Variants in GNB1 observed in about 807,000 individuals in gnomAD.
GNB1 encodes the protein guanine nucleotide-binding protein G(I)/G(S)/G(T) subunit beta-1.
Under a neutral mutation model 42.9 loss-of-function variants are expected in GNB1, and 2 were observed. The observed-to-expected ratio is 0.05, with a 90% CI of 0.02 to 0.15. The LOEUF is 0.15. Among genes scored for constraint, GNB1 ranks in the 10% least tolerant of loss-of-function variants. The probability of loss-of-function intolerance (pLI) is 1.00; values close to 1 mark genes in which losing one functional copy is unlikely to be tolerated. For missense variants in GNB1, 193 were observed against 462.2 expected, an observed-to-expected ratio of 0.42 and a Z score of 5.34; for synonymous variants, 183 against 174.7, an observed-to-expected ratio of 1.05 and a Z score of -0.38.
At chr1:1,859,120 C>G (rs1268526808) in intron 1 of GNB1, among the ~76,000 whole-genome samples, 1 of 151,362 alleles carries the variant, frequency 6.6e-6, no homozygotes, top group Admixed American at 6.6e-5. Context: ...CTCTCAGGTT[C>G]AATCAATTCT....
At chr1:1,877,298 CAAAA>C (rs67155402) in intron 1 of GNB1, among the ~76,000 whole-genome samples, 1 of 124,748 alleles carries the variant, frequency 8.0e-6, no homozygotes, top group East Asian at 2.3e-4. Context: ...GACTCTGTCT[CAAAA>C]AAAAAAAAAA....
chr1:1,865,978 G>A (rs1049402219), intron 1 of GNB1, among the ~76,000 whole-genome samples: 2 of 146,902 alleles, frequency 1.4e-5, no homozygotes, highest in African/African-American at 5.0e-5. Flanking sequence ...CACTCTTGTT[G>A]CCCAGGCTGG....
At chr1:1,796,004 T>C (rs1313720572) in intron 7 of GNB1, among the ~76,000 whole-genome samples, 1 of 152,222 alleles carries the variant, frequency 6.6e-6, no homozygotes, top group African/African-American at 2.4e-5. Context: ...ATTTTGTGAC[T>C]TTATGATGGT....
At chr1:1,861,457 A>AAATAAT (rs746339517) in intron 1 of GNB1, among the ~76,000 whole-genome samples, 4 of 151,426 alleles carry the variant, frequency 2.6e-5, no homozygotes, top group East Asian at 1.9e-4. Flanking sequence ...ACTGTCTCAA[A>AAATAAT]AATAATAATA....
chr1:1,821,213 C>A (rs1028219462), intron 3 of GNB1, among the ~76,000 whole-genome samples: 14 of 152,228 alleles, frequency 9.2e-5, no homozygotes, highest in African/African-American at 2.4e-5. Context: ...GCAGCTGCCT[C>A]TCGCACGAAT....
intron 1 of GNB1, among the ~76,000 whole-genome samples, chr1:1,860,837 C>T (rs1283705353): frequency 1.3e-5 from 2 of 151,952 alleles, no homozygotes; most frequent in African/African-American, 2.4e-5. Context: ...ACACACTACA[C>T]GCTCATCAAA....
intron 5 of GNB1, among the ~76,000 whole-genome samples, chr1:1,806,761 G>GTCT (rs774315988): frequency 8.7e-4 from 132 of 152,180 alleles, no homozygotes; most frequent in Non-Finnish European, 1.7e-3. Context: ...ATCACATGAG[G>GTCT]TCAGGAGTTC....
chr1:1,871,076 T>C (rs1383899558), intron 1 of GNB1, among the ~76,000 whole-genome samples: 1 of 152,180 alleles, frequency 6.6e-6, no homozygotes, highest in East Asian at 1.9e-4. Context: ...ATCTCCTATG[T>C]TTCAATTGAC....
chr1:1,815,788 C>G lies in GNB1; in HGVS notation c.171G>C (p.Lys57Asn), dbSNP rs759845633. The change falls in exon 5 of 12, where the codon AAG (lysine) becomes AAC (asparagine). Residue 57 changes from lysine (K) to asparagine (N), a missense_variant. Lys to Asn is a moderately conservative substitution (Grantham distance 94, BLOSUM62 0). Coordinates refer to ENST00000378609, the MANE Select transcript of GNB1 (RefSeq NM_002074.5). ...TRRTLRGHLA[K>N]IYAMHWGTDS... ...CTGTGCCCCAGTGCATGGCGTAGAT[C>G]TTGGCCAGGTGCCCCCGCAGTGTCC... The G allele has an allele frequency of 3.1e-6, 5 of 1,608,164 alleles. No homozygotes were observed. The highest frequency in any genetic ancestry group is 4.3e-6 in the Non-Finnish European group (5 of 1,174,510).
In GNB1 at chr1:1,785,803, C is replaced by CTT. The variant is rs1163428232; in HGVS notation, c.*1258_*1259dup. On this transcript the variant is annotated 3_prime_UTR_variant, in exon 12 of 12. Coordinates refer to ENST00000378609, the MANE Select transcript of GNB1 (RefSeq NM_002074.5). The stretch of plus-strand genomic sequence containing the variant: ...CCAACAGCAGTCGTTTGCAACAGAA[C>CTT]TTTTTTTTTTTTAAAGAAATAAAGA... The CTT allele has an allele frequency of 8.2e-5, 24 of 291,828 alleles. No homozygotes were observed. The highest frequency in any genetic ancestry group is 1.1e-4 in the Non-Finnish European group (17 of 160,344). The allele number at this position is 291,828 out of a possible 1,614,324, so 18.1% of individuals were successfully genotyped here. A position where few individuals can be genotyped will look rare whatever the true frequency, so the allele number is the denominator to read the frequency against.
chr1:1,789,418 T>G (rs952296747), intron 9 of GNB1, 149 bp from the exon 10 acceptor site: 6 of 610,390 alleles, frequency 9.8e-6, no homozygotes, highest in African/African-American at 1.8e-5. Flanking sequence ...CTGGGCCGGG[T>G]GCGGTGGCTC....
At chr1:1,804,373 G>A (rs772157985) in intron 7 of GNB1, 46 bp downstream of exon 7, 1 of 1,388,808 alleles carries the variant, frequency 7.2e-7, no homozygotes, top group African/African-American at 1.4e-5. Flanking sequence ...ATGTACCCCA[G>A]GTAAACAGCT....
chr1:1,862,234 T>G (rs1216326028), intron 1 of GNB1, among the ~76,000 whole-genome samples: 1 of 152,050 alleles, frequency 6.6e-6, no homozygotes, highest in African/African-American at 2.4e-5. Context: ...AATAAATAAC[T>G]AAGTAAAGTG....
intron 5 of GNB1, among the ~76,000 whole-genome samples, chr1:1,809,146 A>G (rs1327689405): frequency 6.6e-6 from 1 of 151,912 alleles, no homozygotes; most frequent in East Asian, 1.9e-4. Context: ...TCACAGAACT[A>G]AAAACTAAGT....
At chr1:1,890,663 C>A (rs894887722) in intron 1 of GNB1, among the ~76,000 whole-genome samples, 157 bp downstream of exon 1, 12 of 147,944 alleles carry the variant, frequency 8.1e-5, no homozygotes, top group South Asian at 2.1e-4. Context: ...CGGACCCCAG[C>A]CCCCGGCCCC....
chr1:1,857,014 G>A (rs1302677992), intron 1 of GNB1, among the ~76,000 whole-genome samples: 1 of 152,140 alleles, frequency 6.6e-6, no homozygotes, highest in East Asian at 1.9e-4. Context: ...ATTTTCACCA[G>A]GTAATTAAAT....
intron 5 of GNB1, among the ~76,000 whole-genome samples, chr1:1,811,501 T>G (rs557088751): frequency 6.6e-6 from 1 of 151,724 alleles, no homozygotes; most frequent in African/African-American, 2.4e-5. Context: ...GAGACCACCC[T>G]GGCTAACACG....
At chr1:1,849,964 C>T (rs982495594) in intron 1 of GNB1, among the ~76,000 whole-genome samples, 4 of 151,084 alleles carry the variant, frequency 2.6e-5, no homozygotes, top group African/African-American at 4.8e-5. Flanking sequence ...AGTCTCACAA[C>T]TACTCAACAC....
rs1485172931 is a variant in GNB1, at chr1:1,793,324, A to T, written c.431-13T>A. ...CAGGACAGGTAACCTGGCAAAGAAC[A>T]GGCCTAAGTGATGAGCTGAATCCAG... On this transcript the variant is annotated splice_polypyrimidine_tract_variant and intron_variant, in intron 7 of 11. Coordinates refer to ENST00000378609, the MANE Select transcript of GNB1 (RefSeq NM_002074.5). The T allele has an allele frequency of 1.2e-6, 2 of 1,603,550 alleles. No individual in the cohort carries two copies. Among genetic ancestry groups the T allele is most frequent in the Admixed American group, 1.7e-5 (1 of 59,876 alleles).
Sources: allele counts gnomAD v4.1 joint callset (sites outside exome capture counted in the v4.1 genomes callset), GRCh38; gene constraint gnomAD v4.1.1; transcripts MANE v1.5; gene names NCBI Gene and HGNC (gene_info 2026-07-23, HGNC 2026-07-21).